YOD1: variants seen among roughly 807,000 people sequenced by gnomAD.
YOD1 encodes ubiquitin thioesterase OTU1.
In YOD1, 17 loss-of-function variants were observed where a neutral mutation model predicts 23.7. The ratio of observed to expected loss-of-function variants is 0.72; its 90% CI spans 0.49 to 1.07. The LOEUF (loss-of-function observed/expected upper bound fraction) is 1.07. Among genes scored for constraint, YOD1 ranks in the 50% least tolerant of loss-of-function variants. The probability of loss-of-function intolerance (pLI) is 0.00; values close to 1 mark genes in which losing one functional copy is unlikely to be tolerated. For missense variants in YOD1, 413 were observed against 447.2 expected (o/e 0.92, Z 0.69); for synonymous variants, 191 against 169.6 (o/e 1.13, Z -0.98).
At position 207,049,228 on chromosome 1, in the gene YOD1, G is replaced by A. The variant is rs754028989; in HGVS notation, c.839C>T (p.Thr280Ile). The change falls in exon 2 of 2, where the codon ACA (threonine) becomes ATA (isoleucine). Residue 280 changes from threonine to isoleucine, a missense_variant. By Grantham distance (89) the Thr-to-Ile change is moderately conservative (BLOSUM62 -1). Transcript: ENST00000315927. ...AGAGGAGAAAATGGTCAGAGGAGGT[G>A]TATCTGGATCAGGGAAGTTACGCTG... ...PLQRNFPDPD[T>I]PPLTIFSSND... 2.5e-5 allele frequency: 40 copies of A among 1,614,150 alleles called. No individual in the cohort carries two copies. The highest frequency in any genetic ancestry group is 3.3e-4 in the Middle Eastern group (2 of 6,062).
chr1:207,050,906 C>T lies in YOD1; in HGVS notation c.125G>A (p.Arg42Gln). The part of the protein sequence containing the change: ...GPAGAWPVGS[R>Q]TDTMWRLRCK... Reference sequence around the variant, plus strand: ...GCGGAGCCGCCACATCGTGTCGGTCCGGCTGCCCACAGGCCAGGCACCCGC... The same window carrying T: ...GCGGAGCCGCCACATCGTGTCGGTCTGGCTGCCCACAGGCCAGGCACCCGC... Residue 42 changes from arginine to glutamine, a missense_variant, in exon 1 of 2, where the codon CGG becomes CAG. By Grantham distance (43) the Arg-to-Gln change is conservative (BLOSUM62 1). Transcript: ENST00000315927. 1 of 1,605,144 alleles carries T rather than the reference C, an allele frequency of 6.2e-7. No homozygotes were observed. Among genetic ancestry groups the T allele is most frequent in the Non-Finnish European group, 8.5e-7 (1 of 1,175,918 alleles).
In YOD1 at chr1:207,046,899, C is replaced by T. The variant is rs141529894; in HGVS notation, c.*2121G>A. 4.5e-4 allele frequency: 68 copies of T among 152,106 alleles called. No homozygotes were observed. Among genetic ancestry groups the T allele is most frequent in the Admixed American group, 2.0e-3 (31 of 15,278 alleles). 9.4% of individuals were successfully genotyped at this position (152,106 alleles called of 1,614,324 possible). Reference sequence around the variant, plus strand: ...AATTACTCAATAAATATTTGTTGCACGAATAAACTTCTAGATCTAAAGCTG... The same window carrying T: ...AATTACTCAATAAATATTTGTTGCATGAATAAACTTCTAGATCTAAAGCTG... On this transcript the variant is annotated 3_prime_UTR_variant, in exon 2 of 2. Coordinates refer to ENST00000315927, the MANE Select transcript of YOD1 (RefSeq NM_018566.4).
At chr1:207,052,236 C>A, upstream of YOD1, 1 of 1,611,746 alleles carries the variant, frequency 6.2e-7, no homozygotes. Context: ...ATGTTTCCAT[C>A]TTTTCACATC....
chr1:207,049,131 A>T lies in YOD1; in HGVS notation c.936T>A (p.Asp312Glu). The T allele has an allele frequency of 6.2e-7, 1 of 1,614,084 alleles. No homozygotes were observed. The change falls in exon 2 of 2, where the codon GAT becomes GAA. Residue 312 changes from aspartate (D) to glutamate (E), a missense_variant. By Grantham distance (45) the Asp-to-Glu change is conservative. Transcript: ENST00000315927. ...TGCATCTCAGGGTGAAGCGGTTGACATCAGTAAACTGTCTCCTTCTTCTAG... is the reference window on the plus strand; with the variant it reads ...TGCATCTCAGGGTGAAGCGGTTGACTTCAGTAAACTGTCTCCTTCTTCTAG... ...DEARRRRQFT[D>E]VNRFTLRCMV...
rs1288773004 is a variant in YOD1, at chr1:207,044,717, C to T, written c.*4303G>A. On this transcript the variant is annotated 3_prime_UTR_variant, in exon 2 of 2. Coordinates refer to ENST00000315927, the MANE Select transcript of YOD1 (RefSeq NM_018566.4). ...AAGAAGGGTTGAGTTGACACAAAGG[C>T]ATTGCTTTAAAAATGTTTGGAAAAG... 1 of 152,386 alleles carries T rather than the reference C, an allele frequency of 6.6e-6. No individual in the cohort carries two copies. Among genetic ancestry groups the T allele is most frequent in the Non-Finnish European group, 1.5e-5 (1 of 67,938 alleles). The allele number at this position is 152,386 out of a possible 1,614,324, so 9.4% of individuals were successfully genotyped here.
At chr1:207,052,386 G>A (rs1682775335), upstream of YOD1, 5 of 621,874 alleles carry the variant, frequency 8.0e-6, no homozygotes, top group South Asian at 9.4e-5. Context: ...GGGTGGCCGG[G>A]CGCAGTGGCT....
Position 207,047,961 on chromosome 1 carries a change from G to A in YOD1, c.*1059C>T, listed in dbSNP as rs1209153403. ...TAGCACAAAAGCAAACACTCTTTAGGTGTGCAAAAAATCTTACAAAAACCA... is the reference window on the plus strand; with the variant it reads ...TAGCACAAAAGCAAACACTCTTTAGATGTGCAAAAAATCTTACAAAAACCA... On this transcript the variant is annotated 3_prime_UTR_variant, in exon 2 of 2. Coordinates refer to ENST00000315927, the MANE Select transcript of YOD1 (RefSeq NM_018566.4). The A allele has an allele frequency of 6.6e-6, 1 of 151,932 alleles. No homozygotes were observed. Among genetic ancestry groups the A allele is most frequent in the African/African-American group, 2.4e-5 (1 of 41,342 alleles). The allele number at this position is 151,932 out of a possible 1,614,324, so 9.4% of individuals were successfully genotyped here.
rs1682662276 is a variant in YOD1 at position 207,048,871 on chromosome 1, A to G, written c.*149T>C. The G allele has an allele frequency of 1.4e-6, 1 of 726,836 alleles. No individual in the cohort carries two copies. The highest frequency in any genetic ancestry group is 2.3e-6 in the Non-Finnish European group (1 of 442,392). The allele number at this position is 726,836 out of a possible 1,614,324, so 45.0% of individuals were successfully genotyped here. A position where few individuals can be genotyped will look rare whatever the true frequency, so the allele number is the denominator to read the frequency against. On this transcript the variant is annotated 3_prime_UTR_variant, in exon 2 of 2. Transcript: ENST00000315927. Reference sequence around the variant, plus strand: ...CTTGCACACTAATTTTAATCTTAACAAGGAATTTCAGTGTCTTAGTGGTTT... The same window carrying G: ...CTTGCACACTAATTTTAATCTTAACGAGGAATTTCAGTGTCTTAGTGGTTT...
intron 1 of YOD1, among the ~76,000 whole-genome samples, chr1:207,050,096 C>T (rs1002112108): frequency 2.7e-5 from 4 of 150,466 alleles, no homozygotes; most frequent in African/African-American, 9.7e-5. Context: ...AACTTATCTA[C>T]TCTAGAGTGT....
chr1:207,050,375 G>A (rs1295633457), intron 1 of YOD1, among the ~76,000 whole-genome samples: 2 of 152,094 alleles, frequency 1.3e-5, no homozygotes, highest in Admixed American at 6.5e-5. Flanking sequence ...AGAGAAAATA[G>A]GCCCTACTTT....
Position 207,048,039 on chromosome 1 carries a change from T to G in YOD1, c.*981A>C, listed in dbSNP as rs1175658341. 6.6e-6 allele frequency: 1 copy of G among 152,392 alleles called. No homozygotes were observed. The highest frequency in any genetic ancestry group is 2.4e-5 in the African/African-American group (1 of 41,406). The allele number at this position is 152,392 out of a possible 1,614,324, so 9.4% of individuals were successfully genotyped here. On this transcript the variant is annotated 3_prime_UTR_variant, in exon 2 of 2. Transcript: ENST00000315927. ...AAAAATTTTTTGGAGGAAGTGCTCTTAACAAAAAGCTGAGAAAATTAAATT... is the reference window on the plus strand; with the variant it reads ...AAAAATTTTTTGGAGGAAGTGCTCTGAACAAAAAGCTGAGAAAATTAAATT...
At chr1:207,052,056 A>G, upstream of YOD1, 1 of 731,988 alleles carries the variant, frequency 1.4e-6, no homozygotes, top group South Asian at 1.7e-5. Context: ...CAAGAAATCC[A>G]TACTCATTGT....
chr1:207,052,445 C>G (rs1204732354), upstream of YOD1: 1 of 472,432 alleles, frequency 2.1e-6, no homozygotes, highest in Non-Finnish European at 3.8e-6. Context: ...GTGAATCACC[C>G]GAGGTCAGAA....
At position 207,050,909 on chromosome 1, in the gene YOD1, C is replaced by T; in HGVS notation, c.122G>A (p.Ser41Asn). 1 of 1,604,480 alleles carries T rather than the reference C, an allele frequency of 6.2e-7. No homozygotes were observed. The highest frequency in any genetic ancestry group is 8.5e-7 in the Non-Finnish European group (1 of 1,175,618). ...AGPAGAWPVG[S>N]RTDTMWRLRC... ...GAGCCGCCACATCGTGTCGGTCCGG[C>T]TGCCCACAGGCCAGGCACCCGCGGG... Residue 41 changes from serine to asparagine, a missense_variant, in exon 1 of 2, where the codon AGC becomes AAC. Coordinates refer to ENST00000315927, the MANE Select transcript of YOD1 (RefSeq NM_018566.4).
rs1682575101 is a variant in YOD1, at chr1:207,045,401, G to T, written c.*3619C>A. 6.6e-6 allele frequency: 1 copy of T among 152,442 alleles called. No individual in the cohort carries two copies. 9.4% of individuals were successfully genotyped at this position (152,442 alleles called of 1,614,324 possible). The stretch of plus-strand genomic sequence containing the variant: ...TGTGCCAATAGATACACTCTACACT[G>T]ATGGCAATCTTTGATTAAGAAGAGC... On this transcript the variant is annotated 3_prime_UTR_variant, in exon 2 of 2. Transcript: ENST00000315927.
chr1:207,049,115 G>A lies in YOD1; in HGVS notation c.952C>T (p.Leu318=), dbSNP rs114863905. The change falls in exon 2 of 2, where the codon CTG becomes TTG. Residue 318 remains leucine, a synonymous_variant. Transcript: ENST00000315927. The stretch of plus-strand genomic sequence containing the variant: ...CCTTTCTGACATACCATGCATCTCA[G>A]GGTGAAGCGGTTGACATCAGTAAAC... ...RQFTDVNRFT[L]RCMVCQKGLT... is the part of the protein sequence containing the mutation. The A allele has an allele frequency of 4.0e-4, 641 of 1,613,940 alleles. 7 individuals carry two copies. The African/African-American group carries it at 7.6e-3, about 19-fold the overall frequency.
At chr1:207,050,581 C>T (rs1250060631) in intron 1 of YOD1, 107 bp downstream of exon 1, 8 of 1,469,130 alleles carry the variant, frequency 5.4e-6, no homozygotes, top group Non-Finnish European at 5.6e-6. Context: ...GGCCTCAAAG[C>T]CCCCCCGCCG....
In YOD1 at chr1:207,049,526, CAG is replaced by C; in HGVS notation, c.539_540del (p.Pro180ArgfsTer18). On this transcript the variant is annotated frameshift_variant, in exon 2 of 2. Coordinates refer to ENST00000315927, the MANE Select transcript of YOD1 (RefSeq NM_018566.4). LOFTEE classifies it high-confidence loss of function. ...EGGVLNPACAPEMRRLIAQIV... is the reference protein window; with the variant it reads ...EGGVLNPACAXEMRRLIAQIV... The stretch of plus-strand genomic sequence containing the variant: ...ATTTGTGCTATGAGGCGTCTCATCT[CAG>C]GGGCACAAGCTGGATTCAAGACTCC... 1 of 1,614,178 alleles carries C rather than the reference CAG, an allele frequency of 6.2e-7. No homozygotes were observed. Among genetic ancestry groups the C allele is most frequent in the Non-Finnish European group, 8.5e-7 (1 of 1,180,038 alleles).
rs1682636417 is a variant in YOD1, at chr1:207,047,875, C to T, written c.*1145G>A. ...ATCAAAGTAAAAGATTGCAGATAAG[C>T]AAAGTGCTAATTTGCAGAAATGTGA... is the stretch of plus-strand genomic sequence containing the variant. On this transcript the variant is annotated 3_prime_UTR_variant, in exon 2 of 2. Coordinates refer to ENST00000315927, the MANE Select transcript of YOD1 (RefSeq NM_018566.4). 6.6e-6 allele frequency: 1 copy of T among 152,130 alleles called. No homozygotes were observed. Among genetic ancestry groups the T allele is most frequent in the African/African-American group, 2.4e-5 (1 of 41,422 alleles). The allele number at this position is 152,130 out of a possible 1,614,324, so 9.4% of individuals were successfully genotyped here. A position where few individuals can be genotyped will look rare whatever the true frequency, so the allele number is the denominator to read the frequency against.
Sources: gnomAD v4.1 joint callset for allele counts (sites outside exome capture counted in the v4.1 genomes callset) on GRCh38, gnomAD v4.1.1 for gene constraint, MANE v1.5 for transcripts, NCBI Gene and HGNC (gene_info 2026-07-23, HGNC 2026-07-21) for gene names.